TANC2: variants seen among roughly 807,000 people sequenced by gnomAD.
TANC2 encodes the protein protein TANC2.
A neutral mutation model predicts 210.5 loss-of-function variants in TANC2; 26 were observed. The ratio of observed to expected loss-of-function variants is 0.12; its 90% CI spans 0.09 to 0.17. The LOEUF (loss-of-function observed/expected upper bound fraction) is 0.17. Ranked by LOEUF, TANC2 falls within the 10% of genes least tolerant of loss-of-function variation. TANC2 has a pLI of 1.00. For missense variants in TANC2, 2,129 were observed against 2,608.9 expected (o/e 0.82, Z 4.01); for synonymous variants, 931 against 967.1 (o/e 0.96, Z 0.69).
chr17:63,322,118 A>C (rs1255831555), intron 11 of TANC2, among the ~76,000 whole-genome samples: 1 of 152,180 alleles, frequency 6.6e-6, no homozygotes, highest in East Asian at 1.9e-4. Flanking sequence ...GCTTCTGCAA[A>C]ATCTGAGATT....
At chr17:63,111,751 G>GT (rs1307439044) in intron 4 of TANC2, among the ~76,000 whole-genome samples, 3 of 151,952 alleles carry the variant, frequency 2.0e-5, no homozygotes, top group Admixed American at 6.6e-5. Context: ...TTTTGAGACT[G>GT]TATCTCACTC....
At chr17:63,318,907 T>G (rs1390922214) in intron 10 of TANC2, 50 bp from the exon 11 acceptor site, 2 of 1,606,714 alleles carry the variant, frequency 1.2e-6, no homozygotes, top group Non-Finnish European at 1.7e-6. Flanking sequence ...CATTTTTCCT[T>G]AAAGTTTTTA....
At chr17:63,161,186 C>T (rs1011185257) in intron 5 of TANC2, among the ~76,000 whole-genome samples, 1 of 152,058 alleles carries the variant, frequency 6.6e-6, no homozygotes, top group Non-Finnish European at 1.5e-5. Flanking sequence ...CATGGCAAAA[C>T]CCCATTTCTA....
chr17:63,311,027 T>G (rs377295203), intron 9 of TANC2, among the ~76,000 whole-genome samples: 1 of 152,240 alleles, frequency 6.6e-6, no homozygotes. Flanking sequence ...GCATAGTAGA[T>G]AAGATTCAGA....
chr17:63,397,900 T>C (rs1309891204), intron 18 of TANC2, among the ~76,000 whole-genome samples: 1 of 152,228 alleles, frequency 6.6e-6, no homozygotes, highest in Non-Finnish European at 1.5e-5. Flanking sequence ...ACAGTCAGCT[T>C]TCATGGGCCA....
chr17:63,381,912 A>G (rs1480913825), intron 15 of TANC2, among the ~76,000 whole-genome samples: 3 of 152,240 alleles, frequency 2.0e-5, no homozygotes, highest in Non-Finnish European at 2.9e-5. Flanking sequence ...AGTTACAGAT[A>G]CTGAAGAGGC....
chr17:63,238,082 G>A lies in TANC2; in HGVS notation c.1033+5G>A. The A allele has an allele frequency of 6.5e-7, 1 of 1,527,352 alleles. No homozygotes were observed. Among genetic ancestry groups the A allele is most frequent in the Non-Finnish European group, 8.8e-7 (1 of 1,136,726 alleles). The allele number at this position is 1,527,352 out of a possible 1,614,324, so 94.6% of individuals were successfully genotyped here. On this transcript the variant is annotated splice_donor_5th_base_variant and intron_variant, in intron 8 of 27. Transcript: ENST00000689528. ...CACGGCCAAATTCAGTAGCAGGTAA[G>A]TTTTTGTTGTTGTTGTTGTTGTTGC...
chr17:63,227,102 C>T (rs950692023), intron 7 of TANC2, among the ~76,000 whole-genome samples: 1 of 151,914 alleles, frequency 6.6e-6, no homozygotes, highest in East Asian at 1.9e-4. Context: ...ATTTATATTC[C>T]TTTGGGTATA....
At chr17:63,118,888 T>C (rs1460099800) in intron 4 of TANC2, among the ~76,000 whole-genome samples, 1 of 149,532 alleles carries the variant, frequency 6.7e-6, no homozygotes, top group Non-Finnish European at 1.5e-5. Context: ...GTTCACACCA[T>C]ACTCCTGCCT....
intron 4 of TANC2, among the ~76,000 whole-genome samples, chr17:63,133,528 G>T (rs1033299606): frequency 1.3e-5 from 2 of 151,978 alleles, no homozygotes; most frequent in African/African-American, 4.8e-5. Context: ...CTTTGTTAAT[G>T]CAAGATCTTT....
chr17:62,979,059 T>G (rs2032168809), intron 1 of TANC2, among the ~76,000 whole-genome samples: 1 of 152,174 alleles, frequency 6.6e-6, no homozygotes, highest in Non-Finnish European at 1.5e-5. Flanking sequence ...TGGATCATAA[T>G]CCTTTTTTTT....
chr17:63,310,416 C>A (rs2045081235), intron 9 of TANC2, among the ~76,000 whole-genome samples: 1 of 152,050 alleles, frequency 6.6e-6, no homozygotes, highest in African/African-American at 2.4e-5. Flanking sequence ...CACTGCACTC[C>A]AGCCAGGGGC....
chr17:63,207,330 C>G (rs1213550639), intron 7 of TANC2, among the ~76,000 whole-genome samples: 2 of 151,254 alleles, frequency 1.3e-5, no homozygotes, highest in South Asian at 4.2e-4. Context: ...ATTCTCCTGC[C>G]TCAGCCTCCC....
At chr17:63,235,638 TC>T (rs1254433838) in intron 7 of TANC2, among the ~76,000 whole-genome samples, 2 of 152,048 alleles carry the variant, frequency 1.3e-5, no homozygotes, top group African/African-American at 4.8e-5. Context: ...TTCATCTTCT[TC>T]CCGTGTTATT....
chr17:63,303,488 T>G (rs954644039), intron 9 of TANC2, among the ~76,000 whole-genome samples: 2 of 152,212 alleles, frequency 1.3e-5, no homozygotes, highest in African/African-American at 2.4e-5. Flanking sequence ...GGGCTTCCCT[T>G]TGTAGGTGAC....
intron 14 of TANC2, among the ~76,000 whole-genome samples, chr17:63,365,810 C>T (rs1319330134): frequency 2.0e-5 from 3 of 152,024 alleles, no homozygotes; most frequent in African/African-American, 7.2e-5. Context: ...ATGCCACCTC[C>T]TCAGAAAGAC....
chr17:63,037,113 G>A (rs964080897), intron 2 of TANC2, among the ~76,000 whole-genome samples: 6 of 151,922 alleles, frequency 3.9e-5, no homozygotes, highest in South Asian at 2.1e-4. Flanking sequence ...GTCTTTTCTC[G>A]CAAAATATCT....
chr17:63,337,334 A>AT (rs1470672236), intron 11 of TANC2, among the ~76,000 whole-genome samples: 1 of 152,094 alleles, frequency 6.6e-6, no homozygotes, highest in Non-Finnish European at 1.5e-5. Flanking sequence ...TGGATATCAT[A>AT]TTTTTTACTA....
chr17:63,285,667 A>G (rs2044198212), intron 9 of TANC2, among the ~76,000 whole-genome samples: 1 of 152,190 alleles, frequency 6.6e-6, no homozygotes, highest in African/African-American at 2.4e-5. Context: ...TACCCTCCCC[A>G]GTTAAGTCAC....
Sources: allele counts gnomAD v4.1 joint callset (sites outside exome capture counted in the v4.1 genomes callset), GRCh38; gene constraint gnomAD v4.1.1; transcripts MANE v1.5; gene names NCBI Gene and HGNC (gene_info 2026-07-23, HGNC 2026-07-21).